OTX2: variants seen among roughly 807,000 people sequenced by gnomAD.
The protein encoded by OTX2 is orthodenticle homeobox 2.
OTX2 carries 4 observed loss-of-function variants against 29.0 expected under a neutral mutation model. The ratio of observed to expected loss-of-function variants is 0.14; its 90% CI spans 0.07 to 0.32. The LOEUF is 0.32. Among genes scored for constraint, OTX2 ranks in the 10% least tolerant of loss-of-function variants. OTX2 has a pLI of 1.00. For synonymous variants in OTX2, 134 were observed against 141.0 expected (o/e 0.95, Z 0.35); for missense variants, 298 against 365.9 (o/e 0.81, Z 1.51).
chr14:56,801,730 G>A lies in OTX2; in HGVS notation c.*5C>T, dbSNP rs776053080. 5 of 1,613,620 alleles carry A rather than the reference G, an allele frequency of 3.1e-6. No homozygotes were observed. In the East Asian group the frequency reaches 6.7e-5, roughly 22 times the overall value. ...ATCACCCACAAAAAGAGGTTCTACA[G>A]GTCTTCACAAAACCTGGAATTTCCA... On this transcript the variant is annotated 3_prime_UTR_variant, in exon 5 of 5. Coordinates refer to ENST00000672264, the MANE Select transcript of OTX2 (RefSeq NM_021728.4). The surrounding 1 kb of genome is among the most constrained non-coding windows in gnomAD (Gnocchi z 4.2).
At chr14:56,807,918 G>T (rs1186275978) in intron 2 of OTX2, among the ~76,000 whole-genome samples, 3 of 152,040 alleles carry the variant, frequency 2.0e-5, no homozygotes, top group South Asian at 2.1e-4. Context: ...TCCGGCAGCC[G>T]GTCGGCGACC....
chr14:56,807,362 A>AT (rs369655069), intron 2 of OTX2, among the ~76,000 whole-genome samples: 191 of 152,156 alleles, frequency 1.3e-3, no homozygotes, highest in African/African-American at 4.1e-3. Context: ...GAGATTGGAG[A>AT]TTTTTTGTTT....
chr14:56,805,552 G>C lies in OTX2; in HGVS notation c.-96C>G, dbSNP rs1267978893. 1.9e-5 allele frequency: 15 copies of C among 773,776 alleles called. No homozygotes were observed. In the East Asian group the frequency reaches 3.7e-4, roughly 19 times the overall value. The allele number at this position is 773,776 out of a possible 1,614,324, so 47.9% of individuals were successfully genotyped here. On this transcript the variant is annotated 5_prime_UTR_variant, in exon 3 of 5. Transcript: ENST00000672264. Reference sequence around the variant, plus strand: ...GGGGTGGACAGGTTCAGAGTCCTTGGTGGGTGGGTTTGGAGCAGTGGAACT... The same window carrying C: ...GGGGTGGACAGGTTCAGAGTCCTTGCTGGGTGGGTTTGGAGCAGTGGAACT...
chr14:56,809,318 G>GC (rs1892197652), intron 2 of OTX2, among the ~76,000 whole-genome samples: 1 of 152,218 alleles, frequency 6.6e-6, no homozygotes, highest in Non-Finnish European at 1.5e-5. Context: ...CTTCACGTTC[G>GC]CTCGGCCTGG....
chr14:56,804,409 G>T lies in OTX2; in HGVS notation c.98-46C>A, dbSNP rs2277499. Reference sequence around the variant, plus strand: ...TTCTCAGTCATAGGCGTTTCCGCGGGTTCTCCGACGCCCCTGCCCTCCACC... The same window carrying T: ...TTCTCAGTCATAGGCGTTTCCGCGGTTTCTCCGACGCCCCTGCCCTCCACC... On this transcript the variant is annotated intron_variant, in intron 3 of 4. Transcript: ENST00000672264. This position sits in a 1 kb window ranked among gnomAD's most constrained non-coding sequence, Gnocchi z 4.1. 528,364 of 1,563,348 alleles carry T rather than the reference G, an allele frequency of 0.34. 90,550 individuals carry two copies. Among genetic ancestry groups the T allele is most frequent in the Admixed American group, 0.43 (24,659 of 57,574 alleles).
intron 3 of OTX2, 25 bp downstream of exon 3, chr14:56,805,335 C>G: frequency 6.7e-7 from 1 of 1,492,204 alleles, no homozygotes; most frequent in Admixed American, 1.7e-5. Context: ...AAGAGGGGTG[C>G]GGGAGTGCAG....
At chr14:56,805,779 A>G in intron 2 of OTX2, 1 of 232,872 alleles carries the variant, frequency 4.3e-6, no homozygotes. Flanking sequence ...AGGAGACCAG[A>G]TAAACCTGTC....
chr14:56,802,204 G>A lies in OTX2; in HGVS notation c.425C>T (p.Pro142Leu), dbSNP rs199761861. The change falls in exon 5 of 5, where the codon CCC becomes CTC. Residue 142 changes from proline (P) to leucine (L), a missense_variant. Pro to Leu is a moderately conservative substitution (Grantham distance 98, BLOSUM62 -3). Transcript: ENST00000672264. This position sits in a 1 kb window ranked among gnomAD's most constrained non-coding sequence, Gnocchi z 4.4. Reference protein sequence around the residue: ...ESGTSGQFTPPSSTSVPTIAS... With the variant: ...ESGTSGQFTPLSSTSVPTIAS... ...AATGGTCGGGACTGAGGTGCTAGAG[G>A]GGGGAGTGAATTGGCCACTTGTTCC... 2.5e-6 allele frequency: 4 copies of A among 1,614,122 alleles called. No homozygotes were observed. Among genetic ancestry groups the A allele is most frequent in the Non-Finnish European group, 2.5e-6 (3 of 1,180,020 alleles).
rs1435793143 is a variant in OTX2, at chr14:56,801,204, G to A, written c.*531C>T. On this transcript the variant is annotated 3_prime_UTR_variant, in exon 5 of 5. Transcript: ENST00000672264. This position sits in a 1 kb window ranked among gnomAD's most constrained non-coding sequence, Gnocchi z 4.2. ...CTTAAACTACATATTGACTCCTTAT[G>A]AACATTATTTTTTAAATAAAGTAGT... 1 of 185,958 alleles carries A rather than the reference G, an allele frequency of 5.4e-6. No homozygotes were observed. Among genetic ancestry groups the A allele is most frequent in the Non-Finnish European group, 1.1e-5 (1 of 87,284 alleles). 11.5% of individuals were successfully genotyped at this position (185,958 alleles called of 1,614,324 possible). A position where few individuals can be genotyped will look rare whatever the true frequency, so the allele number is the denominator to read the frequency against.
rs765441049 is a variant in OTX2, at chr14:56,801,952, G to A, written c.677C>T (p.Thr226Ile). The change falls in exon 5 of 5, where the codon ACA becomes ATA. Residue 226 changes from threonine (T) to isoleucine (I), a missense_variant. By Grantham distance (89) the Thr-to-Ile change is moderately conservative (BLOSUM62 -1). Coordinates refer to ENST00000672264, the MANE Select transcript of OTX2 (RefSeq NM_021728.4). This position sits in a 1 kb window ranked among gnomAD's most constrained non-coding sequence, Gnocchi z 4.2. ...MHHQLPGPGA[T>I]LSPMGTNAVT... ...TGCATTGGTACCCATGGGACTGAGTGTGGCCCCTGGTCCGGGAAGCTGGTG... is the reference window on the plus strand; with the variant it reads ...TGCATTGGTACCCATGGGACTGAGTATGGCCCCTGGTCCGGGAAGCTGGTG... The A allele has an allele frequency of 1.2e-6, 2 of 1,614,204 alleles. No individual in the cohort carries two copies. Among genetic ancestry groups the A allele is most frequent in the Non-Finnish European group, 1.7e-6 (2 of 1,180,038 alleles).
At chr14:56,805,081 C>T (rs900413608) in intron 3 of OTX2, among the ~76,000 whole-genome samples, 1 of 152,246 alleles carries the variant, frequency 6.6e-6, no homozygotes, top group Non-Finnish European at 1.5e-5. Flanking sequence ...CCTCATCCCA[C>T]TCTGATGCCA....
At chr14:56,810,333 G>A (rs1016870328) in intron 1 of OTX2, 43 bp downstream of exon 1, 1 of 152,118 alleles carries the variant, frequency 6.6e-6, no homozygotes, top group Non-Finnish European at 1.5e-5. Flanking sequence ...TGAGGAAGGC[G>A]GCTAGAGTTC....
intron 3 of OTX2, 78 bp downstream of exon 3, chr14:56,805,282 C>T (rs1207109773): frequency 1.0e-6 from 1 of 974,486 alleles, no homozygotes; most frequent in East Asian, 2.4e-5. Flanking sequence ...CCCCCGTGTT[C>T]CATGGGAACA....
In OTX2 at chr14:56,801,570, G is replaced by T; in HGVS notation, c.*165C>A. On this transcript the variant is annotated 3_prime_UTR_variant, in exon 5 of 5. Coordinates refer to ENST00000672264, the MANE Select transcript of OTX2 (RefSeq NM_021728.4). This position sits in a 1 kb window ranked among gnomAD's most constrained non-coding sequence, Gnocchi z 4.2. ...GTCCATTTCATGTTGCTGGTTTGTA[G>T]GCCCCTCTAAGGCCCTTCGTTTTTC... The T allele has an allele frequency of 2.9e-6, 2 of 694,004 alleles. No individual in the cohort carries two copies. Among genetic ancestry groups the T allele is most frequent in the Non-Finnish European group, 2.5e-6 (1 of 402,932 alleles). The allele number at this position is 694,004 out of a possible 1,614,324, so 43.0% of individuals were successfully genotyped here.
At chr14:56,807,004 C>T (rs894102512) in intron 2 of OTX2, among the ~76,000 whole-genome samples, 1 of 152,114 alleles carries the variant, frequency 6.6e-6, no homozygotes, top group Non-Finnish European at 1.5e-5. Context: ...TTCATATTTA[C>T]GTTGCTTAAG....
rs867316131 is a variant in OTX2, at chr14:56,806,688, T to C, written c.-119-1113A>G. On this transcript the variant is annotated intron_variant, in intron 2 of 4. Coordinates refer to ENST00000672264, the MANE Select transcript of OTX2 (RefSeq NM_021728.4). ...CAAACACCCAAAGTTGTGAAACTAGTAGAATTTCTCCCTACCTTTCAAGTT... is the reference window on the plus strand; with the variant it reads ...CAAACACCCAAAGTTGTGAAACTAGCAGAATTTCTCCCTACCTTTCAAGTT... 8 of 152,326 alleles carry C rather than the reference T, an allele frequency of 5.3e-5. 1 individual carries two copies. The South Asian group carries it at 1.0e-3, about 20-fold the overall frequency. 9.4% of individuals were successfully genotyped at this position (152,326 alleles called of 1,614,324 possible).
Position 56,804,039 on chromosome 14 carries a change from G to C in OTX2, c.273+149C>G, listed in dbSNP as rs1460214956. On this transcript the variant is annotated intron_variant, in intron 4 of 4. Transcript: ENST00000672264. This position sits in a 1 kb window ranked among gnomAD's most constrained non-coding sequence, Gnocchi z 4.1. ...GGTGACGGGCAGGCAAAAAAGGGCA[G>C]AAGGAGAATAGTTTCCTGGCCCCTT... The C allele has an allele frequency of 1.1e-6, 1 of 947,162 alleles. No homozygotes were observed. Among genetic ancestry groups the C allele is most frequent in the African/African-American group, 1.6e-5 (1 of 61,666 alleles). The allele number at this position is 947,162 out of a possible 1,614,324, so 58.7% of individuals were successfully genotyped here. A position where few individuals can be genotyped will look rare whatever the true frequency, so the allele number is the denominator to read the frequency against.
chr14:56,801,869 A>G lies in OTX2; in HGVS notation c.760T>C (p.Ser254Pro). The G allele has an allele frequency of 6.2e-7, 1 of 1,614,180 alleles. No individual in the cohort carries two copies. Among genetic ancestry groups the G allele is most frequent in the Non-Finnish European group, 8.5e-7 (1 of 1,180,036 alleles). The stretch of plus-strand genomic sequence containing the variant: ...GTGGTTGAGTTAAAACCCAAGCTTG[A>G]AGCTCCATATCCCTGGGTGGAAAGA... ...ASLSTQGYGA[S>P]SLGFNSTTDC... The change falls in exon 5 of 5, where the codon TCA becomes CCA. Residue 254 changes from serine to proline, a missense_variant. By Grantham distance (74) the Ser-to-Pro change is moderately conservative (BLOSUM62 -1). Transcript: ENST00000672264. This position sits in a 1 kb window ranked among gnomAD's most constrained non-coding sequence, Gnocchi z 4.2.
At chr14:56,810,049 C>T (rs984022527) in intron 2 of OTX2, 110 bp downstream of exon 2, 1 of 152,182 alleles carries the variant, frequency 6.6e-6, no homozygotes, top group Non-Finnish European at 1.5e-5. Context: ...GCCTACAGAA[C>T]TCCACGTTCG....
Sources: allele counts gnomAD v4.1 joint callset (sites outside exome capture counted in the v4.1 genomes callset), GRCh38; gene constraint gnomAD v4.1.1; non-coding constraint Gnocchi (gnomAD v3.1); transcripts MANE v1.5; gene names NCBI Gene and HGNC (gene_info 2026-07-23, HGNC 2026-07-21).